UROC1: variants seen among roughly 807,000 people sequenced by gnomAD.
UROC1 encodes urocanate hydratase 1, also known as urocanate hydratase.
In UROC1, 79 loss-of-function variants were observed where a neutral mutation model predicts 89.5. The ratio of observed to expected loss-of-function variants is 0.88; its 90% CI spans 0.74 to 1.06. UROC1 has a LOEUF of 1.06. UROC1 is among the 50% of genes least tolerant of loss of function. The pLI is 0.00. For missense variants in UROC1, 885 were observed against 907.8 expected (o/e 0.97, Z 0.32); for synonymous variants, 361 against 354.8 (o/e 1.02, Z -0.20).
chr3:126,493,531 ACTGT>A (rs1935703978), intron 15 of UROC1, among the ~76,000 whole-genome samples: 1 of 152,220 alleles, frequency 6.6e-6, no homozygotes, highest in Non-Finnish European at 1.5e-5. Flanking sequence ...AAGGACAAAC[ACTGT>A]CTGATCTCGC....
rs368812361 is a variant in UROC1, at chr3:126,510,821, C to T, written c.127-27G>A. 1.8e-4 allele frequency: 285 copies of T among 1,608,368 alleles called. 2 individuals carry two copies. The highest frequency in any genetic ancestry group is 1.5e-3 in the South Asian group (137 of 90,986). On this transcript the variant is annotated intron_variant, in intron 1 of 19. Coordinates refer to ENST00000290868, the MANE Select transcript of UROC1 (RefSeq NM_144639.3). ...TGGGGTAGGAGAGCGGAGAGGCAGT[C>T]GGGGCTGGGACTCCAGGCCCGGTGT...
At chr3:126,489,515 T>C in intron 16 of UROC1, 140 bp from the exon 17 acceptor site, 1 of 714,510 alleles carries the variant, frequency 1.4e-6, no homozygotes, top group South Asian at 1.5e-5. Flanking sequence ...CAACTATTTC[T>C]GATGTCATCT....
In UROC1 at chr3:126,489,369, C is replaced by T; in HGVS notation, c.1615G>A (p.Val539Met). 6.2e-7 allele frequency: 1 copy of T among 1,611,994 alleles called. No homozygotes were observed. The highest frequency in any genetic ancestry group is 8.5e-7 in the Non-Finnish European group (1 of 1,179,912). Reference protein sequence around the residue: ...AIACRRIKAPVVLSRDHHDVS... With the variant: ...AIACRRIKAPMVLSRDHHDVS... ...TCATGGTGATCTCGGCTCAGGACCA[C>T]CGGCGCCTGTGCATGGAAGGACAGA... is the stretch of plus-strand genomic sequence containing the variant. The change falls in exon 17 of 20, where the codon GTG (valine) becomes ATG (methionine). Residue 539 changes from valine (V) to methionine (M), a missense_variant. By Grantham distance (21) the Val-to-Met change is conservative. Transcript: ENST00000290868.
intron 18 of UROC1, among the ~76,000 whole-genome samples, chr3:126,484,506 G>A (rs2107531779): frequency 6.6e-6 from 1 of 152,324 alleles, no homozygotes; most frequent in South Asian, 2.1e-4. Flanking sequence ...CATGCAAAAT[G>A]TGCATCTAGT....
chr3:126,497,479 C>T (rs540155130), intron 14 of UROC1, among the ~76,000 whole-genome samples: 1 of 152,336 alleles, frequency 6.6e-6, no homozygotes, highest in South Asian at 2.1e-4. Context: ...ACATGGGGGA[C>T]CCTGATGCAG....
At chr3:126,503,927 G>A (rs757815210) in intron 9 of UROC1, 68 bp downstream of exon 9, 122 of 1,578,954 alleles carry the variant, frequency 7.7e-5, no homozygotes, top group Non-Finnish European at 8.1e-5. Context: ...CCCCATGGGG[G>A]TCCTCTTGTG....
intron 17 of UROC1, 70 bp from the exon 18 acceptor site, chr3:126,488,349 C>G: frequency 6.3e-7 from 1 of 1,577,798 alleles, no homozygotes; most frequent in Non-Finnish European, 8.7e-7. Flanking sequence ...GTCAGGCCAG[C>G]CTCGCTGGCT....
At position 126,517,647 on chromosome 3, in the gene UROC1, C is replaced by T. The variant is rs762604638; in HGVS notation, c.73G>A (p.Gly25Arg). Residue 25 changes from glycine (G) to arginine (R), a missense_variant, in exon 1 of 20, where the codon GGG becomes AGG. Coordinates refer to ENST00000290868, the MANE Select transcript of UROC1 (RefSeq NM_144639.3). ...PLPENRGRQAGVPHAPVRTPS... is the reference protein window; with the variant it reads ...PLPENRGRQARVPHAPVRTPS... Reference sequence around the variant, plus strand: ...GTCCTGACAGGGGCATGGGGCACCCCAGCCTGGCGTCCCCGGTTCTCTGGG... The same window carrying T: ...GTCCTGACAGGGGCATGGGGCACCCTAGCCTGGCGTCCCCGGTTCTCTGGG... The T allele has an allele frequency of 1.2e-6, 2 of 1,610,736 alleles. No homozygotes were observed. The highest frequency in any genetic ancestry group is 4.5e-5 in the East Asian group (2 of 44,802).
chr3:126,498,434 C>T (rs1259802375), intron 13 of UROC1, among the ~76,000 whole-genome samples: 1 of 152,148 alleles, frequency 6.6e-6, no homozygotes, highest in Non-Finnish European at 1.5e-5. Context: ...CAGAAATGAC[C>T]CCAATTGCTG....
intron 14 of UROC1, among the ~76,000 whole-genome samples, chr3:126,496,345 C>T (rs1045210926): frequency 6.6e-6 from 1 of 152,162 alleles, no homozygotes; most frequent in Non-Finnish European, 1.5e-5. Flanking sequence ...GCACTCGGTC[C>T]CTCCACAAAT....
At chr3:126,515,559 C>A (rs1936287618) in intron 1 of UROC1, among the ~76,000 whole-genome samples, 1 of 126,752 alleles carries the variant, frequency 7.9e-6, no homozygotes, top group South Asian at 2.9e-4. Flanking sequence ...ACCACCTACC[C>A]CCTTCCACTC....
chr3:126,507,834 G>A (rs371240375), intron 5 of UROC1, 31 bp from the exon 6 acceptor site: 110 of 1,613,746 alleles, frequency 6.8e-5, no homozygotes, highest in Non-Finnish European at 8.5e-5. Flanking sequence ...AGACAGAGGG[G>A]CTGAGGGCTT....
At chr3:126,498,292 G>T in intron 13 of UROC1, 120 bp from the exon 14 acceptor site, 1 of 1,555,822 alleles carries the variant, frequency 6.4e-7, no homozygotes, top group Non-Finnish European at 8.8e-7. Flanking sequence ...AACCCCCTAA[G>T]CTGTCATTGG....
At position 126,482,319 on chromosome 3, in the gene UROC1, G is replaced by A. The variant is rs1560113052; in HGVS notation, c.*26C>T. ...GTGAGGATCGCCAGGGAGGAAGGGA[G>A]GCAGGGGCCGCGACTCCTGGCTCCC... On this transcript the variant is annotated 3_prime_UTR_variant, in exon 20 of 20. Coordinates refer to ENST00000290868, the MANE Select transcript of UROC1 (RefSeq NM_144639.3). The A allele has an allele frequency of 4.3e-6, 7 of 1,609,758 alleles. No individual in the cohort carries two copies. Among genetic ancestry groups the A allele is most frequent in the Admixed American group, 1.7e-5 (1 of 59,988 alleles).
At chr3:126,501,990 C>T (rs776724206) in intron 9 of UROC1, 1 of 1,532,724 alleles carries the variant, frequency 6.5e-7, no homozygotes, top group Admixed American at 2.0e-5. Flanking sequence ...TCCCATGGGT[C>T]TTCCTCAGCT....
chr3:126,501,387 G>T, intron 9 of UROC1, 107 bp from the exon 10 acceptor site: 1 of 1,378,388 alleles, frequency 7.3e-7, no homozygotes, highest in Non-Finnish European at 1.0e-6. Context: ...GAGGCCACCA[G>T]AGGTGTTGTG....
Position 126,509,629 on chromosome 3 carries a change from T to C in UROC1, c.307A>G (p.Ile103Val), listed in dbSNP as rs1323915184. The C allele has an allele frequency of 1.3e-6, 2 of 1,552,104 alleles. No individual in the cohort carries two copies. Among genetic ancestry groups the C allele is most frequent in the Non-Finnish European group, 1.7e-6 (2 of 1,147,202 alleles). Reference sequence around the variant, plus strand: ...AGGTTGTTCATAATCATGTGCATGATGGCGGCAGCCACTTTCGTCTGGCAG... The same window carrying C: ...AGGTTGTTCATAATCATGTGCATGACGGCGGCAGCCACTTTCGTCTGGCAG... ...YPCQTKVAAA[I>V]MHMIMNNLDP... Residue 103 changes from isoleucine to valine, a missense_variant, in exon 3 of 20, where the codon ATC becomes GTC. By Grantham distance (29) the Ile-to-Val change is conservative. Transcript: ENST00000290868.
intron 18 of UROC1, among the ~76,000 whole-genome samples, chr3:126,486,646 T>C (rs983655285): frequency 6.6e-6 from 1 of 152,018 alleles, no homozygotes. Flanking sequence ...AGTGGAAACA[T>C]GGGAAGTTCG....
intron 2 of UROC1, among the ~76,000 whole-genome samples, chr3:126,509,891 C>T (rs1936158250): frequency 6.6e-6 from 1 of 152,240 alleles, no homozygotes. Context: ...CCCCACTTGG[C>T]ACACTCCACC....
Sources: allele counts gnomAD v4.1 joint callset (sites outside exome capture counted in the v4.1 genomes callset), GRCh38; gene constraint gnomAD v4.1.1; transcripts MANE v1.5; gene names NCBI Gene and HGNC (gene_info 2026-07-23, HGNC 2026-07-21).